CDH11: variants seen among roughly 807,000 people sequenced by gnomAD.
CDH11 encodes the protein cadherin-11.
A neutral mutation model predicts 67.8 loss-of-function variants in CDH11; 11 were observed. The ratio of observed to expected loss-of-function variants is 0.16; its 90% CI spans 0.10 to 0.27. CDH11 has a LOEUF of 0.27. Ranked by LOEUF, CDH11 falls within the 10% of genes least tolerant of loss-of-function variation. The probability of loss-of-function intolerance (pLI) is 1.00; values close to 1 mark genes in which losing one functional copy is unlikely to be tolerated. For synonymous variants in CDH11, 419 were observed against 400.0 expected (o/e 1.05, Z -0.57); for missense variants, 847 against 1,031.2 (o/e 0.82, Z 2.45).
At chr16:64,997,953 C>T (rs1000639418) in intron 4 of CDH11, among the ~76,000 whole-genome samples, 2 of 152,150 alleles carry the variant, frequency 1.3e-5, no homozygotes, top group Non-Finnish European at 2.9e-5. Context: ...AAACATTATG[C>T]AAATGTTTCA....
intron 1 of CDH11, among the ~76,000 whole-genome samples, chr16:65,099,107 T>C (rs2074947095): frequency 6.6e-6 from 1 of 152,156 alleles, no homozygotes; most frequent in Non-Finnish European, 1.5e-5. Flanking sequence ...TGATGACTTG[T>C]GAAATGGAAT....
At chr16:64,971,482 A>G in intron 11 of CDH11, 97 bp downstream of exon 11, 1 of 706,650 alleles carries the variant, frequency 1.4e-6, no homozygotes, top group Non-Finnish European at 2.4e-6. Flanking sequence ...ACAGGAAGAC[A>G]TTATAAAGAT....
At chr16:64,982,534 G>A (rs897687398) in intron 7 of CDH11, 14 of 488,748 alleles carry the variant, frequency 2.9e-5, no homozygotes, top group East Asian at 9.9e-5. Flanking sequence ...GAAAGACCAC[G>A]TCATCTAAAA....
intron 2 of CDH11, among the ~76,000 whole-genome samples, chr16:65,037,035 G>A (rs549724451): frequency 3.3e-5 from 5 of 152,224 alleles, no homozygotes; most frequent in Admixed American, 1.3e-4. Flanking sequence ...CAGTGAGAGA[G>A]AGGAGACATT....
intron 6 of CDH11, among the ~76,000 whole-genome samples, chr16:64,988,582 T>C (rs1161883506): frequency 6.6e-6 from 1 of 152,016 alleles, no homozygotes; most frequent in East Asian, 1.9e-4. Flanking sequence ...AATGCTGGGG[T>C]CACCTGCCAC....
rs537542997 is a variant in CDH11 at position 64,971,738 on chromosome 16, T to C, written c.1525-42A>G. On this transcript the variant is annotated intron_variant, in intron 10 of 12. Transcript: ENST00000268603. ...GCCCATAAATAAATCATGCTGACAT[T>C]GGCACATCATTTATTCAAAAATTTC... 11 of 1,452,594 alleles carry C rather than the reference T, an allele frequency of 7.6e-6. No homozygotes were observed. In the African/African-American group the frequency reaches 1.1e-4, roughly 15 times the overall value. 90.0% of individuals were successfully genotyped at this position (1,452,594 alleles called of 1,614,324 possible).
At chr16:65,058,865 C>T (rs1485081776) in intron 1 of CDH11, among the ~76,000 whole-genome samples, 1 of 152,094 alleles carries the variant, frequency 6.6e-6, no homozygotes, top group Non-Finnish European at 1.5e-5. Context: ...AATCACAATA[C>T]ATGGAACACT....
At chr16:64,950,418 C>A (rs2071324110) in intron 12 of CDH11, among the ~76,000 whole-genome samples, 1 of 152,168 alleles carries the variant, frequency 6.6e-6, no homozygotes, top group South Asian at 2.1e-4. Flanking sequence ...CATGTTTCTG[C>A]CCAAATTCCT....
upstream of CDH11, among the ~76,000 whole-genome samples, chr16:65,123,468 G>A (rs189007206): frequency 1.4e-4 from 22 of 152,120 alleles, no homozygotes; most frequent in East Asian, 4.3e-3. Flanking sequence ...GGAAAAAGAG[G>A]CCGAAAACGG....
chr16:65,061,364 C>T, intron 1 of CDH11, among the ~76,000 whole-genome samples: 1 of 152,138 alleles, frequency 6.6e-6, no homozygotes, highest in East Asian at 1.9e-4. Flanking sequence ...TACCTATTGA[C>T]TTTTATCTAC....
intron 11 of CDH11, among the ~76,000 whole-genome samples, chr16:64,951,595 A>G (rs781137539): frequency 6.6e-6 from 1 of 151,942 alleles, no homozygotes; most frequent in Non-Finnish European, 1.5e-5. Flanking sequence ...TCAGCAATCT[A>G]CTCTATGTTA....
In CDH11 at chr16:65,122,006, C is replaced by T. The variant is rs1177986986; in HGVS notation, c.-424G>A. 1 of 699,778 alleles carries T rather than the reference C, an allele frequency of 1.4e-6. No individual in the cohort carries two copies. Among genetic ancestry groups the T allele is most frequent in the Non-Finnish European group, 2.6e-6 (1 of 383,758 alleles). 43.3% of individuals were successfully genotyped at this position (699,778 alleles called of 1,614,324 possible). ...AGTCAGCGGCGGCTGCGAGCGGCCC[C>T]CGCGGCATCTGCTCCTCGGCCCGCG... On this transcript the variant is annotated 5_prime_UTR_variant, in exon 1 of 13. Transcript: ENST00000268603.
chr16:65,093,397 A>T (rs2074828232), intron 1 of CDH11, among the ~76,000 whole-genome samples: 1 of 151,876 alleles, frequency 6.6e-6, no homozygotes, highest in Admixed American at 6.6e-5. Flanking sequence ...GCAAAAGGAG[A>T]TGGGTGACAG....
At chr16:65,105,282 A>C (rs920137334) in intron 1 of CDH11, among the ~76,000 whole-genome samples, 6 of 152,324 alleles carry the variant, frequency 3.9e-5, no homozygotes, top group Non-Finnish European at 8.8e-5. Flanking sequence ...AGAATTAGGA[A>C]AAGGCTGAAC....
chr16:64,946,034 G>T lies in CDH11; in HGVS notation c.*1569C>A, dbSNP rs2071190154. 1 of 1,058,910 alleles carries T rather than the reference G, an allele frequency of 9.4e-7. No individual in the cohort carries two copies. The highest frequency in any genetic ancestry group is 1.1e-6 in the Non-Finnish European group (1 of 875,306). 65.6% of individuals were successfully genotyped at this position (1,058,910 alleles called of 1,614,324 possible). A position where few individuals can be genotyped will look rare whatever the true frequency, so the allele number is the denominator to read the frequency against. On this transcript the variant is annotated 3_prime_UTR_variant, in exon 13 of 13. Transcript: ENST00000268603. Reference sequence around the variant, plus strand: ...AGTTTCAATCCCCAAGAAACTAGCTGGAATGCAGGGGACTGTAGACACACT... The same window carrying T: ...AGTTTCAATCCCCAAGAAACTAGCTTGAATGCAGGGGACTGTAGACACACT...
At chr16:65,039,527 G>A (rs546407447) in intron 2 of CDH11, among the ~76,000 whole-genome samples, 2 of 152,282 alleles carry the variant, frequency 1.3e-5, no homozygotes, top group East Asian at 3.9e-4. Flanking sequence ...GCTGAAAGTG[G>A]ATCCCTTCCT....
At chr16:64,997,584 C>T (rs2072807561) in intron 4 of CDH11, among the ~76,000 whole-genome samples, 1 of 152,084 alleles carries the variant, frequency 6.6e-6, no homozygotes, top group Non-Finnish European at 1.5e-5. Context: ...TTATAATACA[C>T]AGGCTAAACA....
chr16:65,025,762 A>T (rs1597106436), intron 2 of CDH11, among the ~76,000 whole-genome samples: 1 of 152,264 alleles, frequency 6.6e-6, no homozygotes, highest in Non-Finnish European at 1.5e-5. Flanking sequence ...ATGGATATAA[A>T]ATCTGCCAGA....
At chr16:65,120,376 G>C (rs958683090) in intron 1 of CDH11, among the ~76,000 whole-genome samples, 6 of 152,260 alleles carry the variant, frequency 3.9e-5, no homozygotes, top group African/African-American at 1.4e-4. Context: ...CAAGTGATGA[G>C]GAAATTGATC....
Sources: allele counts gnomAD v4.1 joint callset (sites outside exome capture counted in the v4.1 genomes callset), GRCh38; gene constraint gnomAD v4.1.1; transcripts MANE v1.5; gene names NCBI Gene and HGNC (gene_info 2026-07-23, HGNC 2026-07-21).